PRKCI: variants seen among roughly 807,000 people sequenced by gnomAD.
PRKCI encodes the protein protein kinase C iota type.
Under a neutral mutation model 84.0 loss-of-function variants are expected in PRKCI, and 43 were observed. The observed-to-expected ratio is 0.51, with a 90% CI of 0.40 to 0.66. The LOEUF (loss-of-function observed/expected upper bound fraction) is 0.66. PRKCI is among the 30% of genes least tolerant of loss of function. The pLI is 0.00. For synonymous variants in PRKCI, 216 were observed against 234.4 expected (o/e 0.92, Z 0.72); for missense variants, 459 against 745.6 (o/e 0.62, Z 4.48).
chr3:170,268,479 CAA>C (rs77046182), intron 5 of PRKCI, among the ~76,000 whole-genome samples: 28 of 66,646 alleles, frequency 4.2e-4, no homozygotes, highest in South Asian at 1.0e-3. Context: ...GACTCAGTTT[CAA>C]AAAAAAAAAA....
intron 13 of PRKCI, among the ~76,000 whole-genome samples, chr3:170,293,040 CAAA>C (rs1202831307): frequency 1.1e-4 from 7 of 66,158 alleles, no homozygotes; most frequent in Admixed American, 3.6e-4. Flanking sequence ...GACCCCATCT[CAAA>C]AAAAAAAAAA....
intron 3 of PRKCI, among the ~76,000 whole-genome samples, chr3:170,261,375 A>G (rs1364978685): frequency 2.0e-5 from 3 of 151,890 alleles, no homozygotes; most frequent in Non-Finnish European, 2.9e-5. Flanking sequence ...AGTGAAACGA[A>G]TGTAAATCTT....
In PRKCI at chr3:170,284,294, C is replaced by T. The variant is rs112539361; in HGVS notation, c.1068-167C>T. Among the ~76,000 whole-genome samples the T allele has an allele frequency of 1.0e-3, 157 of 152,146 alleles. 1 individual carries two copies. Among genetic ancestry groups the T allele is most frequent in the Middle Eastern group, 3.4e-3 (1 of 294 alleles). On this transcript the variant is annotated intron_variant, in intron 11 of 17. Coordinates refer to ENST00000295797, the MANE Select transcript of PRKCI (RefSeq NM_002740.6). ...TAGACAGGAACTTTTACAATTGTGT[C>T]TTGGGCTCAGATGTTTTAAAGTGGT...
chr3:170,260,163 C>A (rs550884810), intron 3 of PRKCI, 105 bp downstream of exon 3: 21 of 712,182 alleles, frequency 2.9e-5, no homozygotes, highest in Non-Finnish European at 4.3e-5. Context: ...TTTTCTCAAT[C>A]TCTGTGACTC....
At chr3:170,223,595 C>T (rs1209750070) in intron 1 of PRKCI, among the ~76,000 whole-genome samples, 1 of 152,160 alleles carries the variant, frequency 6.6e-6, no homozygotes, top group African/African-American at 2.4e-5. Flanking sequence ...TGCCCCCCTT[C>T]CTTTAAATTC....
chr3:170,245,951 T>G lies in PRKCI; in HGVS notation c.223+10600T>G, dbSNP rs1475210322. 1.7e-4 allele frequency among the ~76,000 whole-genome samples: 6 copies of G among 35,376 alleles called. No homozygotes were observed. In the East Asian group the frequency reaches 3.6e-3, roughly 21 times the overall value. The allele number at this position is 35,376 out of a possible 152,430, so 23.2% of individuals were successfully genotyped here. On this transcript the variant is annotated intron_variant, in intron 2 of 17. Transcript: ENST00000295797. ...TTTTCCCTGGATGTTATGTCTTTGT[T>G]TTTTTTTTTTTTTTTTTTTCTGACA... is the stretch of plus-strand genomic sequence containing the variant.
At chr3:170,290,648 C>G (rs1473801732) in intron 12 of PRKCI, among the ~76,000 whole-genome samples, 2 of 152,088 alleles carry the variant, frequency 1.3e-5, no homozygotes, top group East Asian at 3.9e-4. Context: ...TTAACTTCTC[C>G]TATTATGATT....
rs142522188 is a variant in PRKCI at position 170,278,717 on chromosome 3, G to C, written c.706-1510G>C. Among the ~76,000 whole-genome samples, 24 of 152,318 alleles carry C rather than the reference G, an allele frequency of 1.6e-4. No homozygotes were observed. The South Asian group carries it at 5.0e-3, about 32-fold the overall frequency. ...ACCTAAGGCTGGGTAATTTATACAA[G>C]ATTTATTTGGTGCACGGTTCTGCAG... On this transcript the variant is annotated intron_variant, in intron 8 of 17. Transcript: ENST00000295797.
intron 16 of PRKCI, among the ~76,000 whole-genome samples, chr3:170,297,713 C>T (rs1734720450): frequency 6.6e-6 from 1 of 151,894 alleles, no homozygotes. Context: ...ACCTCGGCCT[C>T]CCAAAGTGCT....
At chr3:170,293,741 C>G (rs548345713) in intron 14 of PRKCI, among the ~76,000 whole-genome samples, 2 of 152,274 alleles carry the variant, frequency 1.3e-5, no homozygotes, top group East Asian at 3.9e-4. Context: ...CAACCTCCAC[C>G]TCCCTGGTTC....
chr3:170,224,174 T>G (rs1732572311), intron 1 of PRKCI, among the ~76,000 whole-genome samples: 1 of 151,168 alleles, frequency 6.6e-6, no homozygotes, highest in South Asian at 2.1e-4. Flanking sequence ...GTGTTTGGTT[T>G]TTTGTCCTTG....
intron 2 of PRKCI, among the ~76,000 whole-genome samples, chr3:170,239,862 T>G (rs546698515): frequency 6.6e-6 from 1 of 152,146 alleles, no homozygotes; most frequent in African/African-American, 2.4e-5. Context: ...CAAAAAATAT[T>G]TGTGGCTGAG....
At chr3:170,228,672 G>T (rs1159181094) in intron 1 of PRKCI, among the ~76,000 whole-genome samples, 1 of 151,170 alleles carries the variant, frequency 6.6e-6, no homozygotes, top group Non-Finnish European at 1.5e-5. Flanking sequence ...AAGTTCCCCT[G>T]TAGTCTCTCA....
chr3:170,287,791 TC>T (rs1734431355), intron 12 of PRKCI, among the ~76,000 whole-genome samples: 2 of 150,168 alleles, frequency 1.3e-5, no homozygotes, highest in African/African-American at 4.9e-5. Flanking sequence ...ACACCTGTGG[TC>T]CCAGCTACTC....
At chr3:170,236,332 C>T (rs1005432589) in intron 2 of PRKCI, among the ~76,000 whole-genome samples, 2 of 151,724 alleles carry the variant, frequency 1.3e-5, no homozygotes, top group Non-Finnish European at 2.9e-5. Context: ...AACTCCTGGC[C>T]TCAAGTGATC....
intron 2 of PRKCI, among the ~76,000 whole-genome samples, chr3:170,246,570 C>T (rs1285578061): frequency 1.3e-5 from 2 of 152,186 alleles, no homozygotes; most frequent in Non-Finnish European, 2.9e-5. Context: ...GTTAGGATTA[C>T]AGGCATGAGC....
chr3:170,278,191 CTATCTTT>C (rs565043652), intron 8 of PRKCI, among the ~76,000 whole-genome samples: 74 of 152,314 alleles, frequency 4.9e-4, no homozygotes, highest in African/African-American at 1.7e-3. Flanking sequence ...GAAGTTAACT[CTATCTTT>C]TTTGCTCCAC....
At chr3:170,287,974 C>T (rs573067172) in intron 12 of PRKCI, among the ~76,000 whole-genome samples, 77 of 149,210 alleles carry the variant, frequency 5.2e-4, no homozygotes, top group Admixed American at 8.0e-4. Flanking sequence ...TGGCCGGGTG[C>T]GGTGGCTTGC....
At chr3:170,290,659 G>A (rs1478395129) in intron 12 of PRKCI, among the ~76,000 whole-genome samples, 1 of 151,780 alleles carries the variant, frequency 6.6e-6, no homozygotes, top group African/African-American at 2.4e-5. Flanking sequence ...TATTATGATT[G>A]GAGATTGTGA....
Sources: allele counts gnomAD v4.1 joint callset (sites outside exome capture counted in the v4.1 genomes callset), GRCh38; gene constraint gnomAD v4.1.1; transcripts MANE v1.5; gene names NCBI Gene and HGNC (gene_info 2026-07-23, HGNC 2026-07-21).